Variants in SPMAP2L observed in about 807,000 individuals in gnomAD.
SPMAP2L encodes the protein sperm microtubule associated protein 2 like.
At chr4:56,542,816 C>T in the SPMAP2L span, among the ~76,000 whole-genome samples, 1 of 152,146 alleles carries the variant, frequency 6.6e-6, no homozygotes, top group African/African-American at 2.4e-5. Context: ...CCTGATCCCT[C>T]AACGTTAGTT....
At chr4:56,530,976 T>G in the SPMAP2L span, 1 of 1,535,236 alleles carries the variant, frequency 6.5e-7, no homozygotes, top group Non-Finnish European at 8.7e-7. Flanking sequence ...CCTATGCACC[T>G]TACGAACTCC....
chr4:56,595,835 T>C, the SPMAP2L span, among the ~76,000 whole-genome samples: 6,266 of 152,264 alleles, frequency 0.041, 207 homozygotes, highest in East Asian at 0.097. Flanking sequence ...ATATACTGTG[T>C]ATATCTCTGT....
At chr4:56,592,871 G>T in the SPMAP2L span, 2 of 1,609,576 alleles carry the variant, frequency 1.2e-6, no homozygotes, top group Non-Finnish European at 1.7e-6. Flanking sequence ...CGGCCCTGGG[G>T]ACAAAGACCA....
At chr4:56,549,267 G>C in the SPMAP2L span, among the ~76,000 whole-genome samples, 1 of 152,104 alleles carries the variant, frequency 6.6e-6, no homozygotes, top group Non-Finnish European at 1.5e-5. Flanking sequence ...GATTACAGGG[G>C]TGAGCCATCG....
chr4:56,548,845 A>G, the SPMAP2L span: 2,281 of 1,450,212 alleles, frequency 1.6e-3, 33 homozygotes, highest in African/African-American at 0.028. Context: ...TTATAGTACT[A>G]TTTTCACAGA....
At chr4:56,600,191 C>A in the SPMAP2L span, among the ~76,000 whole-genome samples, 1 of 139,186 alleles carries the variant, frequency 7.2e-6, no homozygotes, top group African/African-American at 2.7e-5. Context: ...ATGATCTGCT[C>A]ACCTCAGCCT....
chr4:56,547,554 G>C, the SPMAP2L span, among the ~76,000 whole-genome samples: 1 of 152,152 alleles, frequency 6.6e-6, no homozygotes, highest in Non-Finnish European at 1.5e-5. Context: ...CTGTTTATCA[G>C]TAATCTTTAC....
At chr4:56,559,312 A>G in the SPMAP2L span, 3 of 1,121,290 alleles carry the variant, frequency 2.7e-6, no homozygotes, top group Non-Finnish European at 3.4e-6. Flanking sequence ...TCAAAAAAAA[A>G]AAAAAAAAAA....
the SPMAP2L span, among the ~76,000 whole-genome samples, chr4:56,604,658 CAA>C: frequency 7.3e-6 from 1 of 137,146 alleles, no homozygotes; most frequent in African/African-American, 2.7e-5. Context: ...GACTCCATCT[CAA>C]AAAAAAAAAG....
the SPMAP2L span, among the ~76,000 whole-genome samples, chr4:56,597,633 TCA>T: frequency 1.3e-5 from 2 of 152,190 alleles, no homozygotes; most frequent in Non-Finnish European, 2.9e-5. Flanking sequence ...GACTTTATTC[TCA>T]GTTTTTTGGT....
the SPMAP2L span, chr4:56,595,423 A>T: frequency 6.2e-7 from 1 of 1,606,254 alleles, no homozygotes; most frequent in Non-Finnish European, 8.5e-7. Context: ...CTGTGATGCC[A>T]TGATCAGCAT....
the SPMAP2L span, among the ~76,000 whole-genome samples, chr4:56,606,417 G>C: frequency 6.6e-6 from 1 of 152,144 alleles, no homozygotes; most frequent in East Asian, 1.9e-4. Flanking sequence ...CACACCCATT[G>C]AACTGTCTTC....
chr4:56,552,473 C>A, the SPMAP2L span: 1 of 661,914 alleles, frequency 1.5e-6, no homozygotes, highest in Non-Finnish European at 2.5e-6. Context: ...TTTCCCCCCT[C>A]CTATGAGCAG....
the SPMAP2L span, among the ~76,000 whole-genome samples, chr4:56,578,415 A>G: frequency 6.6e-6 from 1 of 152,192 alleles, no homozygotes; most frequent in Non-Finnish European, 1.5e-5. Context: ...AAAAGAAGGA[A>G]GAAATGAAAG....
At chr4:56,530,920 TCCTATGAGCCCCACGCTC>T in the SPMAP2L span, 2 of 1,533,646 alleles carry the variant, frequency 1.3e-6, no homozygotes, top group African/African-American at 2.8e-5. Context: ...GCCTCATGAG[TCCTATGAGCCCCACGCTC>T]CCTATGCGCC....
chr4:56,555,827 G>A, the SPMAP2L span, among the ~76,000 whole-genome samples: 1 of 152,032 alleles, frequency 6.6e-6, no homozygotes, highest in Non-Finnish European at 1.5e-5. Context: ...ACTTTGCTAT[G>A]CTCTAAAGAC....
At chr4:56,615,576 G>A in the SPMAP2L span, among the ~76,000 whole-genome samples, 1 of 151,972 alleles carries the variant, frequency 6.6e-6, no homozygotes, top group African/African-American at 2.4e-5. Context: ...GCGAAACCCC[G>A]TCTCTACTAA....
At chr4:56,575,756 C>T in the SPMAP2L span, 3 of 985,184 alleles carry the variant, frequency 3.0e-6, no homozygotes, top group Non-Finnish European at 2.9e-6. Flanking sequence ...CACTTGTGTT[C>T]CAAAGCATCA....
chr4:56,549,559 C>T, the SPMAP2L span, among the ~76,000 whole-genome samples: 1 of 152,148 alleles, frequency 6.6e-6, no homozygotes, highest in East Asian at 1.9e-4. Flanking sequence ...ATAAATGCAT[C>T]CTGAATACCG....
Sources: allele counts gnomAD v4.1 joint callset (sites outside exome capture counted in the v4.1 genomes callset), GRCh38; gene constraint gnomAD v4.1.1; transcripts MANE v1.5; gene names NCBI Gene and HGNC (gene_info 2026-07-23, HGNC 2026-07-21).